MEMO1: variants seen among roughly 807,000 people sequenced by gnomAD.
MEMO1 encodes the protein mediator of cell motility 1.
MEMO1 carries 6 observed loss-of-function variants against 45.2 expected under a neutral mutation model. The observed-to-expected ratio is 0.13, with a 90% confidence interval of 0.07 to 0.26. The LOEUF is 0.26. Among genes scored for constraint, MEMO1 ranks in the 10% least tolerant of loss-of-function variants. MEMO1 has a pLI of 1.00. For missense variants in MEMO1, 184 were observed against 370.5 expected, an observed-to-expected ratio of 0.50 and a Z score of 4.13; for synonymous variants, 78 against 124.3, an observed-to-expected ratio of 0.63 and a Z score of 2.48.
chr2:31,872,194 G>C (rs918672812), intron 8 of MEMO1, among the ~76,000 whole-genome samples: 2 of 152,096 alleles, frequency 1.3e-5, no homozygotes, highest in Admixed American at 6.6e-5. Context: ...CTCCCCTAGA[G>C]ATAAATGAAC....
In MEMO1 at chr2:31,923,525, T is replaced by A. The variant is rs1054640402; in HGVS notation, c.213-2615A>T. ...ATAGCACTCTGGTCACCTATCTTAA[T>A]AGCACATAAATAACATGACACTTTG... On this transcript the variant is annotated intron_variant, in intron 4 of 9. Coordinates refer to ENST00000404530, the MANE Select transcript of MEMO1 (RefSeq NM_001301833.4). 1.0e-5 allele frequency: 12 copies of A among 1,191,142 alleles called. No individual in the cohort carries two copies. The Admixed American group carries it at 1.5e-4, about 15-fold the overall frequency. The allele number at this position is 1,191,142 out of a possible 1,614,324, so 73.8% of individuals were successfully genotyped here.
chr2:31,899,377 G>A (rs1032343890), intron 6 of MEMO1, among the ~76,000 whole-genome samples: 1 of 152,078 alleles, frequency 6.6e-6, no homozygotes, highest in Non-Finnish European at 1.5e-5. Flanking sequence ...CAGAAATAAT[G>A]CCACACACCT....
intron 2 of MEMO1, among the ~76,000 whole-genome samples, chr2:31,982,185 T>C (rs1271183185): frequency 6.6e-6 from 1 of 151,440 alleles, no homozygotes; most frequent in Non-Finnish European, 1.5e-5. Context: ...TAATCCCAGC[T>C]ACTCGGGAGG....
chr2:31,941,104 A>G (rs1665564232), intron 3 of MEMO1, among the ~76,000 whole-genome samples: 2 of 152,186 alleles, frequency 1.3e-5, no homozygotes, highest in South Asian at 4.1e-4. Context: ...ATGACTTGCC[A>G]TATCACTCAG....
intron 3 of MEMO1, among the ~76,000 whole-genome samples, chr2:31,932,650 G>A (rs999103061): frequency 6.6e-6 from 1 of 152,032 alleles, no homozygotes; most frequent in African/African-American, 2.4e-5. Flanking sequence ...GCTGAGGCTG[G>A]TCTTGAACTC....
chr2:31,955,599 T>G (rs528077057), intron 2 of MEMO1, among the ~76,000 whole-genome samples: 1 of 152,160 alleles, frequency 6.6e-6, no homozygotes, highest in East Asian at 1.9e-4. Context: ...AAACTATCCA[T>G]GTTTATTTCT....
intron 2 of MEMO1, among the ~76,000 whole-genome samples, chr2:31,950,452 C>A (rs1489098770): frequency 1.3e-5 from 2 of 151,250 alleles, no homozygotes; most frequent in African/African-American, 4.9e-5. Context: ...GGCACAGTGG[C>A]TCACACCTGT....
Position 31,940,857 on chromosome 2 carries a change from T to G in MEMO1, c.143+2445A>C, listed in dbSNP as rs528421777. ...CAAGTGTCATTCTTGACTCTTCTTC[T>G]CTCTATCTTGTTGGTCCAACCTTTA... is the stretch of plus-strand genomic sequence containing the variant. On this transcript the variant is annotated intron_variant, in intron 3 of 9. Coordinates refer to ENST00000404530, the MANE Select transcript of MEMO1 (RefSeq NM_001301833.4). Among the ~76,000 whole-genome samples, 18 of 152,210 alleles carry G rather than the reference T, an allele frequency of 1.2e-4. No individual in the cohort carries two copies. The East Asian group carries it at 3.3e-3, about 28-fold the overall frequency.
chr2:31,978,127 C>G (rs1457856573), intron 2 of MEMO1, among the ~76,000 whole-genome samples: 1 of 152,112 alleles, frequency 6.6e-6, no homozygotes, highest in East Asian at 1.9e-4. Context: ...TGGCTCACAC[C>G]TGTAATCCCA....
intron 8 of MEMO1, among the ~76,000 whole-genome samples, chr2:31,872,001 AAG>A (rs1405124085): frequency 4.3e-5 from 5 of 116,758 alleles, no homozygotes; most frequent in African/African-American, 1.5e-4. Flanking sequence ...GCGACAGAGC[AAG>A]ACTCTGTCTC....
chr2:31,901,464 A>G (rs1436375709), intron 6 of MEMO1, among the ~76,000 whole-genome samples: 2 of 152,100 alleles, frequency 1.3e-5, no homozygotes. Context: ...CTAAGTGAAA[A>G]ATAGACTACA....
chr2:31,959,474 C>G (rs1667759809), intron 2 of MEMO1, among the ~76,000 whole-genome samples: 1 of 151,168 alleles, frequency 6.6e-6, no homozygotes, highest in Non-Finnish European at 1.5e-5. Flanking sequence ...ATCCAACTCT[C>G]TCTAATGAAT....
intron 4 of MEMO1, among the ~76,000 whole-genome samples, chr2:31,924,235 A>T (rs1682751900): frequency 6.6e-6 from 1 of 152,148 alleles, no homozygotes; most frequent in African/African-American, 2.4e-5. Flanking sequence ...TGCTAACAAA[A>T]AAAATGAATA....
At chr2:31,991,995 G>T (rs1672006126) in intron 2 of MEMO1, among the ~76,000 whole-genome samples, 1 of 152,170 alleles carries the variant, frequency 6.6e-6, no homozygotes, top group South Asian at 2.1e-4. Context: ...GTCACAAGTA[G>T]CTCAACCTTC....
intron 6 of MEMO1, among the ~76,000 whole-genome samples, chr2:31,902,957 A>T (rs897103738): frequency 5.9e-5 from 9 of 152,102 alleles, no homozygotes; most frequent in Non-Finnish European, 8.8e-5. Context: ...GAATTCTAAT[A>T]AAAAAATACA....
intron 3 of MEMO1, among the ~76,000 whole-genome samples, chr2:31,939,380 T>C (rs1005836146): frequency 2.0e-5 from 3 of 152,208 alleles, no homozygotes; most frequent in African/African-American, 7.2e-5. Flanking sequence ...CATTTTAAAA[T>C]CTGGGGTAAC....
intron 2 of MEMO1, among the ~76,000 whole-genome samples, chr2:31,949,900 T>C (rs1265445840): frequency 6.6e-6 from 1 of 151,958 alleles, no homozygotes; most frequent in Non-Finnish European, 1.5e-5. Context: ...TAAATATATA[T>C]ACCTGCTATG....
intron 2 of MEMO1, among the ~76,000 whole-genome samples, chr2:31,960,073 T>G (rs1667837111): frequency 6.6e-6 from 1 of 152,064 alleles, no homozygotes; most frequent in Non-Finnish European, 1.5e-5. Context: ...GGCGCATGCC[T>G]ATAGTCCCAG....
intron 2 of MEMO1, among the ~76,000 whole-genome samples, chr2:31,987,591 G>A (rs1392531414): frequency 6.6e-6 from 1 of 152,166 alleles, no homozygotes; most frequent in Non-Finnish European, 1.5e-5. Flanking sequence ...AGTCATATTA[G>A]TCATTCAATC....
Sources: gnomAD v4.1 joint callset for allele counts (sites outside exome capture counted in the v4.1 genomes callset) on GRCh38, gnomAD v4.1.1 for gene constraint, MANE v1.5 for transcripts, NCBI Gene and HGNC (gene_info 2026-07-23, HGNC 2026-07-21) for gene names.